DCHS2: variants seen among roughly 807,000 people sequenced by gnomAD.
DCHS2 encodes dachsous cadherin-related 2.
DCHS2 carries 142 observed loss-of-function variants against 182.4 expected under a neutral mutation model. The ratio of observed to expected loss-of-function variants is 0.78; its 90% confidence interval spans 0.68 to 0.89. The LOEUF (loss-of-function observed/expected upper bound fraction) is 0.89, where lower values mean the gene tolerates loss of function less well. DCHS2 is among the 40% of genes least tolerant of loss of function. DCHS2 has a pLI of 0.00. For missense variants in DCHS2, 4,319 were observed against 4,198.6 expected, an observed-to-expected ratio of 1.03 and a Z score of -0.79; for synonymous variants, 1,740 against 1,663.3, an observed-to-expected ratio of 1.05 and a Z score of -1.12.
chr4:154,391,859 C>G (rs776390331), intron 1 of DCHS2, among the ~76,000 whole-genome samples: 2 of 152,064 alleles, frequency 1.3e-5, no homozygotes, highest in African/African-American at 2.4e-5. Context: ...TCCTTTTGAC[C>G]AATATTCTAA....
At chr4:154,272,216 T>C (rs895773303) in intron 13 of DCHS2, 1 of 152,152 alleles carries the variant, frequency 6.6e-6, no homozygotes, top group Non-Finnish European at 1.5e-5. Flanking sequence ...TGAAAAAAAC[T>C]GCTATGAACA....
chr4:154,456,709 C>T (rs1457534478), intron 1 of DCHS2, among the ~76,000 whole-genome samples: 1 of 152,088 alleles, frequency 6.6e-6, no homozygotes, highest in Non-Finnish European at 1.5e-5. Context: ...AATAACAAGT[C>T]AAGGAAGACG....
intron 1 of DCHS2, chr4:154,384,430 GCTCAGTCTCGGGA>G: frequency 6.2e-7 from 1 of 1,612,130 alleles, no homozygotes; most frequent in South Asian, 1.1e-5. Context: ...GCACCCCAGA[GCTCAGTCTCGGGA>G]CTACCTCTTT....
At chr4:154,395,942 TGACTTAAAAAATGGAA>T (rs1731911410) in intron 1 of DCHS2, among the ~76,000 whole-genome samples, 1 of 152,224 alleles carries the variant, frequency 6.6e-6, no homozygotes, top group Non-Finnish European at 1.5e-5. Context: ...TGCTTTCATT[TGACTTAAAAAATGGAA>T]GAGTTATTCA....
chr4:154,314,100 C>A (rs1165634975), intron 10 of DCHS2, among the ~76,000 whole-genome samples: 1 of 152,002 alleles, frequency 6.6e-6, no homozygotes, highest in East Asian at 1.9e-4. Flanking sequence ...TTAGTAGAAT[C>A]CATTACAAAA....
chr4:154,236,893 A>G lies in DCHS2; in HGVS notation c.7759T>C (p.Tyr2587His). Residue 2587 changes from tyrosine to histidine, a missense_variant, in exon 20 of 20, where the codon TAT (tyrosine) becomes CAT (histidine). Coordinates refer to ENST00000357232, the MANE Select transcript of DCHS2 (RefSeq NM_001358235.2). ...DWTRENTYVE[Y>H]SIISGNSQNN... ...TGTGAATTACCACTGATGATGGAATATTCAACATATGTGTTTTCACGGGTC... is the reference window on the plus strand; with the variant it reads ...TGTGAATTACCACTGATGATGGAATGTTCAACATATGTGTTTTCACGGGTC... 1 of 1,614,124 alleles carries G rather than the reference A, an allele frequency of 6.2e-7. No individual in the cohort carries two copies.
At chr4:154,330,105 G>A (rs955814295) in intron 5 of DCHS2, among the ~76,000 whole-genome samples, 10 of 152,198 alleles carry the variant, frequency 6.6e-5, no homozygotes, top group African/African-American at 2.2e-4. Flanking sequence ...TTTGGCCCCA[G>A]TTTCCCCATC....
chr4:154,257,057 G>A (rs1732718393), intron 15 of DCHS2, among the ~76,000 whole-genome samples: 1 of 152,078 alleles, frequency 6.6e-6, no homozygotes, highest in Admixed American at 6.6e-5. Context: ...AGACCATCCT[G>A]GCCAACATGG....
chr4:154,261,458 A>G (rs1407513558), intron 14 of DCHS2, among the ~76,000 whole-genome samples: 1 of 152,120 alleles, frequency 6.6e-6, no homozygotes, highest in African/African-American at 2.4e-5. Context: ...TAGAAGTTCG[A>G]TCCTCTGGTG....
Position 154,250,826 on chromosome 4 carries a change from C to T in DCHS2, c.6941+4693G>A, listed in dbSNP as rs949741570. 2.6e-5 allele frequency among the ~76,000 whole-genome samples: 4 copies of T among 152,184 alleles called. No individual in the cohort carries two copies. In the East Asian group the frequency reaches 5.8e-4, roughly 22 times the overall value. On this transcript the variant is annotated intron_variant, in intron 16 of 19. Coordinates refer to ENST00000357232, the MANE Select transcript of DCHS2 (RefSeq NM_001358235.2). ...CTTTAGAAATAAAGATACAAACATT[C>T]GTTCAACTGCTTATAGTTGTATGTA...
chr4:154,349,265 C>A lies in DCHS2; in HGVS notation c.2477-14161G>T, dbSNP rs143480173. ...GTTACTTTCCTTGTAAAGGTTAAAT[C>A]AGATGGGACTTTCTTATCATGCCAG... On this transcript the variant is annotated intron_variant, in intron 3 of 19. Transcript: ENST00000357232. Among the ~76,000 whole-genome samples, 9 of 150,052 alleles carry A rather than the reference C, an allele frequency of 6.0e-5. 1 individual carries two copies. The East Asian group carries it at 1.7e-3, about 29-fold the overall frequency.
chr4:154,333,203 C>G lies in DCHS2; in HGVS notation c.3005G>C (p.Arg1002Pro), dbSNP rs139082640. 1.2e-6 allele frequency: 2 copies of G among 1,614,208 alleles called. No homozygotes were observed. The highest frequency in any genetic ancestry group is 4.5e-5 in the East Asian group (2 of 44,876). ...TPPGTALYLA[R>P]AEDRDSGRNG... Reference sequence around the variant, plus strand: ...CCGCCCACTGTCTCTGTCTTCCGCACGTGCGAGGTACAAGGCTGTGCCAGG... The same window carrying G: ...CCGCCCACTGTCTCTGTCTTCCGCAGGTGCGAGGTACAAGGCTGTGCCAGG... Residue 1002 changes from arginine (R) to proline (P), a missense_variant, in exon 5 of 20, where the codon CGT becomes CCT. Coordinates refer to ENST00000357232, the MANE Select transcript of DCHS2 (RefSeq NM_001358235.2).
intron 4 of DCHS2, 75 bp downstream of exon 4, chr4:154,334,793 G>T (rs991679019): frequency 2.5e-6 from 3 of 1,209,098 alleles, no homozygotes; most frequent in African/African-American, 1.5e-5. Flanking sequence ...AATTATTCAA[G>T]ATTGTACCGC....
intron 1 of DCHS2, among the ~76,000 whole-genome samples, chr4:154,443,426 G>GCT (rs1265764197): frequency 3.3e-5 from 5 of 152,058 alleles, no homozygotes; most frequent in Non-Finnish European, 7.4e-5. Context: ...TCTTCAAAAG[G>GCT]CTCTATTCCC....
chr4:154,343,660 GAGTT>G, intron 3 of DCHS2: 1 of 1,444,130 alleles, frequency 6.9e-7, no homozygotes. Context: ...TATTTAAAAA[GAGTT>G]AGGACCTTGC....
In DCHS2 at chr4:154,234,776, G is replaced by A. The variant is rs1731372232; in HGVS notation, c.9876C>T (p.Val3292=). 6.2e-7 allele frequency: 1 copy of A among 1,614,040 alleles called. No individual in the cohort carries two copies. Among genetic ancestry groups the A allele is most frequent in the Non-Finnish European group, 8.5e-7 (1 of 1,179,934 alleles). ...GGTTTACTGCCGGCATTCTTGGTGG[G>A]ACTGCTTTAATCCCAGGCTGGGCTA... The part of the protein sequence containing the change: ...TAVAQPGIKA[V]PPRMPAVNLG... The change falls in exon 20 of 20, where the codon GTC becomes GTT. Residue 3292 remains valine, a synonymous_variant. Coordinates refer to ENST00000357232, the MANE Select transcript of DCHS2 (RefSeq NM_001358235.2).
chr4:154,415,186 A>C (rs1170187129), intron 1 of DCHS2, among the ~76,000 whole-genome samples: 1 of 152,214 alleles, frequency 6.6e-6, no homozygotes, highest in Admixed American at 6.5e-5. Flanking sequence ...TAACCATAAA[A>C]ATTTTTTCAG....
chr4:154,433,088 A>G (rs1455136096), intron 1 of DCHS2, among the ~76,000 whole-genome samples: 1 of 152,210 alleles, frequency 6.6e-6, no homozygotes, highest in South Asian at 2.1e-4. Flanking sequence ...TAAGAAGAGG[A>G]CATATTGGAT....
intron 1 of DCHS2, among the ~76,000 whole-genome samples, chr4:154,395,905 G>A (rs1731909889): frequency 6.6e-6 from 1 of 152,200 alleles, no homozygotes; most frequent in Admixed American, 6.5e-5. Context: ...GTCTCTATGT[G>A]TGAACAGTAT....
Sources: gnomAD v4.1 joint callset for allele counts (sites outside exome capture counted in the v4.1 genomes callset) on GRCh38, gnomAD v4.1.1 for gene constraint, MANE v1.5 for transcripts, NCBI Gene and HGNC (gene_info 2026-07-23, HGNC 2026-07-21) for gene names.